The following PPP2R2B variants were observed in gnomAD, a reference collection of about 807,000 sequenced individuals.
The protein encoded by PPP2R2B is serine/threonine-protein phosphatase 2A 55 kDa regulatory subunit B beta isoform.
A neutral mutation model predicts 46.0 loss-of-function variants in PPP2R2B; 5 were observed. The observed-to-expected ratio is 0.11, with a 90% CI of 0.06 to 0.23. The LOEUF (loss-of-function observed/expected upper bound fraction) is 0.23, where lower values mean the gene tolerates loss of function less well. Among genes scored for constraint, PPP2R2B ranks in the 10% least tolerant of loss-of-function variants. PPP2R2B has a pLI of 1.00. For missense variants in PPP2R2B, 367 were observed against 575.0 expected, an observed-to-expected ratio of 0.64 and a Z score of 3.70; for synonymous variants, 215 against 206.7, an observed-to-expected ratio of 1.04 and a Z score of -0.34.
At chr5:146,877,429 G>A (rs894355315) in intron 2 of PPP2R2B, among the ~76,000 whole-genome samples, 4 of 152,200 alleles carry the variant, frequency 2.6e-5, no homozygotes, top group Admixed American at 6.5e-5. Context: ...GCCCGCCAGA[G>A]CACTATTTCC....
At chr5:146,619,238 A>C (rs187381728) in intron 7 of PPP2R2B, among the ~76,000 whole-genome samples, 8 of 151,382 alleles carry the variant, frequency 5.3e-5, no homozygotes, top group African/African-American at 1.9e-4. Context: ...TAAAAGGGGC[A>C]GTTTCCACCT....
Position 146,877,879 on chromosome 5 carries a change from C to T in PPP2R2B, c.70+123G>A, listed in dbSNP as rs540956032. ...ACTGGGGCTGCCGGGGCCAGCCGAGCCCCCGCCCCAGCCCTAGGGCCCGGA... is the reference window on the plus strand; with the variant it reads ...ACTGGGGCTGCCGGGGCCAGCCGAGTCCCCGCCCCAGCCCTAGGGCCCGGA... On this transcript the variant is annotated intron_variant, in intron 2 of 9. Coordinates refer to ENST00000394411, the MANE Select transcript of PPP2R2B (RefSeq NM_181675.4). 5.9e-6 allele frequency: 7 copies of T among 1,176,770 alleles called. No individual in the cohort carries two copies. The African/African-American group carries it at 6.2e-5, about 10-fold the overall frequency. 72.9% of individuals were successfully genotyped at this position (1,176,770 alleles called of 1,614,324 possible).
At chr5:146,617,886 G>A (rs1773334626) in intron 7 of PPP2R2B, among the ~76,000 whole-genome samples, 1 of 151,960 alleles carries the variant, frequency 6.6e-6, no homozygotes, top group Non-Finnish European at 1.5e-5. Flanking sequence ...GTAGAGATGG[G>A]GTTTCACCAT....
intron 1 of PPP2R2B, among the ~76,000 whole-genome samples, chr5:146,952,030 T>G (rs1006682395): frequency 6.6e-6 from 1 of 151,342 alleles, no homozygotes; most frequent in Admixed American, 6.6e-5. Context: ...TGATCCACCC[T>G]GGCATTAGAG....
intron 1 of PPP2R2B, among the ~76,000 whole-genome samples, chr5:146,989,323 T>C (rs1048397620): frequency 6.6e-6 from 1 of 152,104 alleles, no homozygotes; most frequent in Non-Finnish European, 1.5e-5. Flanking sequence ...CCAATATCTC[T>C]GATGAACTTA....
chr5:146,715,111 T>C (rs1413810872), intron 2 of PPP2R2B, among the ~76,000 whole-genome samples: 1 of 152,006 alleles, frequency 6.6e-6, no homozygotes, highest in Non-Finnish European at 1.5e-5. Context: ...TCTGTCAGAG[T>C]GGGGAAAAAA....
intron 5 of PPP2R2B, among the ~76,000 whole-genome samples, chr5:146,684,696 C>T (rs946987078): frequency 1.3e-5 from 2 of 152,196 alleles, no homozygotes; most frequent in African/African-American, 4.8e-5. Flanking sequence ...CCGTCTCCTC[C>T]CTTTGTGCTT....
chr5:146,816,367 T>A lies in PPP2R2B; in HGVS notation c.70+61635A>T, dbSNP rs2151327399. Reference sequence around the variant, plus strand: ...GTGAGCCATGATTGCACTACTGCACTCCACTCTGAACAACAGAGTGAGACT... The same window carrying A: ...GTGAGCCATGATTGCACTACTGCACACCACTCTGAACAACAGAGTGAGACT... On this transcript the variant is annotated intron_variant, in intron 2 of 9. Transcript: ENST00000394411. Among the ~76,000 whole-genome samples, 2 of 152,322 alleles carry A rather than the reference T, an allele frequency of 1.3e-5. 1 individual carries two copies. The highest frequency in any genetic ancestry group is 3.9e-4 in the East Asian group (2 of 5,184).
chr5:147,001,537 A>G (rs1754177619), intron 1 of PPP2R2B, among the ~76,000 whole-genome samples: 1 of 152,080 alleles, frequency 6.6e-6, no homozygotes, highest in South Asian at 2.1e-4. Context: ...CTCTGGACAC[A>G]CCATCTTTAA....
chr5:146,718,696 G>A (rs2151190890), intron 2 of PPP2R2B, among the ~76,000 whole-genome samples: 1 of 152,284 alleles, frequency 6.6e-6, no homozygotes, highest in Middle Eastern at 3.4e-3. Context: ...CTTTCAATTT[G>A]CAGGAAGAAA....
chr5:146,880,687 G>A (rs150464755), upstream of PPP2R2B, among the ~76,000 whole-genome samples: 1 of 152,282 alleles, frequency 6.6e-6, no homozygotes, highest in African/African-American at 2.4e-5. Flanking sequence ...GTAGGCCCAG[G>A]CTCATTGGCC....
At chr5:146,863,527 T>G (rs1761128762) in intron 2 of PPP2R2B, among the ~76,000 whole-genome samples, 2 of 152,128 alleles carry the variant, frequency 1.3e-5, no homozygotes, top group South Asian at 4.1e-4. Flanking sequence ...AAATCTCCAT[T>G]GAAACTTGGA....
intron 1 of PPP2R2B, among the ~76,000 whole-genome samples, chr5:147,022,225 G>C (rs969040537): frequency 1.3e-5 from 2 of 152,192 alleles, no homozygotes; most frequent in Non-Finnish European, 2.9e-5. Flanking sequence ...TAGAAAGAGA[G>C]TAAAGCGTGG....
chr5:146,790,829 G>T (rs1425321787), intron 2 of PPP2R2B, among the ~76,000 whole-genome samples: 1 of 152,188 alleles, frequency 6.6e-6, no homozygotes, highest in African/African-American at 2.4e-5. Context: ...GAAGAGAGGA[G>T]GAAGAAAGTG....
chr5:146,848,595 C>A (rs1760150126), intron 2 of PPP2R2B, among the ~76,000 whole-genome samples: 1 of 152,064 alleles, frequency 6.6e-6, no homozygotes, highest in Admixed American at 6.5e-5. Flanking sequence ...TCCATCCTAT[C>A]ACATCAATCA....
At chr5:146,753,856 C>A (rs917371760) in intron 2 of PPP2R2B, among the ~76,000 whole-genome samples, 5 of 152,048 alleles carry the variant, frequency 3.3e-5, no homozygotes, top group Non-Finnish European at 5.9e-5. Flanking sequence ...CACTAATCAA[C>A]CTGAATCTCC....
intron 2 of PPP2R2B, among the ~76,000 whole-genome samples, chr5:146,786,326 A>G (rs1755835921): frequency 6.6e-6 from 1 of 152,150 alleles, no homozygotes; most frequent in Non-Finnish European, 1.5e-5. Context: ...ACATCAGGAA[A>G]CACTACTTTA....
At chr5:146,937,119 T>G (rs898842000) in intron 1 of PPP2R2B, among the ~76,000 whole-genome samples, 4 of 152,080 alleles carry the variant, frequency 2.6e-5, no homozygotes, top group Admixed American at 2.6e-4. Flanking sequence ...CTGGCTAACA[T>G]GGTGAAACCC....
chr5:146,767,917 C>A (rs1754589435), intron 2 of PPP2R2B, among the ~76,000 whole-genome samples: 1 of 152,192 alleles, frequency 6.6e-6, no homozygotes, highest in Admixed American at 6.5e-5. Flanking sequence ...CAAACCCTGG[C>A]AACTGCTGAT....
Sources: gnomAD v4.1 joint callset for allele counts (sites outside exome capture counted in the v4.1 genomes callset) on GRCh38, gnomAD v4.1.1 for gene constraint, MANE v1.5 for transcripts, NCBI Gene and HGNC (gene_info 2026-07-23, HGNC 2026-07-21) for gene names.